Variants in MBNL2 observed in about 807,000 individuals in gnomAD.
The protein encoded by MBNL2 is muscleblind-like protein 2.
Under a neutral mutation model 41.9 loss-of-function variants are expected in MBNL2, and 17 were observed. That is an observed-to-expected ratio of 0.41 (90% CI 0.28 to 0.61). The LOEUF is 0.61. Ranked by LOEUF, MBNL2 falls within the 20% of genes least tolerant of loss-of-function variation. The pLI is 0.35. For missense variants in MBNL2, 336 were observed against 505.6 expected (o/e 0.66, Z 3.22); for synonymous variants, 195 against 182.9 (o/e 1.07, Z -0.53).
chr13:97,283,698 C>A (rs1032858410), intron 2 of MBNL2, among the ~76,000 whole-genome samples: 15 of 152,096 alleles, frequency 9.9e-5, no homozygotes, highest in African/African-American at 3.6e-4. Context: ...AAGTCTGAAA[C>A]ATTTAAGAAG....
chr13:97,330,441 CCCTT>C (rs1201481499), intron 2 of MBNL2, among the ~76,000 whole-genome samples: 1 of 152,210 alleles, frequency 6.6e-6, no homozygotes, highest in African/African-American at 2.4e-5. Flanking sequence ...GACCCTCCCT[CCCTT>C]ATCTCTCCAG....
At chr13:97,175,034 A>G in the MBNL2 span, among the ~76,000 whole-genome samples, 2 of 152,122 alleles carry the variant, frequency 1.3e-5, no homozygotes, top group Non-Finnish European at 2.9e-5. Flanking sequence ...TTAAGAAAAT[A>G]CCCTGCAGAG....
chr13:97,195,787 C>A, the MBNL2 span, among the ~76,000 whole-genome samples: 1 of 152,082 alleles, frequency 6.6e-6, no homozygotes, highest in Non-Finnish European at 1.5e-5. Flanking sequence ...TTTAATATTG[C>A]CAATTGACAT....
At chr13:97,318,535 G>T (rs922011309) in intron 2 of MBNL2, among the ~76,000 whole-genome samples, 1 of 152,158 alleles carries the variant, frequency 6.6e-6, no homozygotes, top group African/African-American at 2.4e-5. Context: ...AATGGTATTT[G>T]ACTGCATTCA....
chr13:97,204,090 G>C, the MBNL2 span, among the ~76,000 whole-genome samples: 2 of 152,182 alleles, frequency 1.3e-5, no homozygotes, highest in South Asian at 4.1e-4. Context: ...ATGACCTGGG[G>C]TCTGTCTGCT....
At chr13:97,312,117 T>C (rs913037940) in intron 2 of MBNL2, among the ~76,000 whole-genome samples, 2 of 152,164 alleles carry the variant, frequency 1.3e-5, no homozygotes, top group Non-Finnish European at 2.9e-5. Context: ...GCATAGACAA[T>C]AACTTGAAAA....
At chr13:97,283,029 T>C (rs1015110636) in intron 2 of MBNL2, among the ~76,000 whole-genome samples, 2 of 152,220 alleles carry the variant, frequency 1.3e-5, no homozygotes, top group Non-Finnish European at 2.9e-5. Flanking sequence ...CACCATTTCC[T>C]TTAACATCTC....
At chr13:97,370,549 A>G (rs1191367181) in intron 8 of MBNL2, among the ~76,000 whole-genome samples, 6 of 151,966 alleles carry the variant, frequency 3.9e-5, no homozygotes, top group Admixed American at 3.9e-4. Context: ...CATGCCTGTA[A>G]TCCCAGCTAC....
chr13:97,301,320 A>C (rs988816783), intron 2 of MBNL2, among the ~76,000 whole-genome samples: 1 of 152,166 alleles, frequency 6.6e-6, no homozygotes, highest in East Asian at 1.9e-4. Context: ...GAGAGAGAAA[A>C]TGAAGCAGAG....
In MBNL2 at chr13:97,376,089, G is replaced by A. The variant is rs74105117; in HGVS notation, c.1048+10918G>A. Among the ~76,000 whole-genome samples, 1,280 of 152,324 alleles carry A rather than the reference G, an allele frequency of 8.4e-3. 20 individuals are homozygous for A. Among genetic ancestry groups the A allele is most frequent in the African/African-American group, 0.03 (1,249 of 41,558 alleles). On this transcript the variant is annotated intron_variant, in intron 8 of 8. Transcript: ENST00000679496. ...GAATGGGTAGAGGTGTGCAGGGACA[G>A]CCAGCCCAAGTCAAGCTAACTGGTG...
At chr13:97,324,361 A>T (rs2059743626) in intron 2 of MBNL2, among the ~76,000 whole-genome samples, 2 of 152,190 alleles carry the variant, frequency 1.3e-5, no homozygotes, top group Admixed American at 1.3e-4. Flanking sequence ...GGTTTCCTGT[A>T]CGGTTGGGGT....
chr13:97,234,379 C>T (rs1179903848), intron 1 of MBNL2, among the ~76,000 whole-genome samples: 1 of 152,188 alleles, frequency 6.6e-6, no homozygotes, highest in African/African-American at 2.4e-5. Flanking sequence ...AGACACTGAG[C>T]TTCTCTGGCA....
the MBNL2 span, among the ~76,000 whole-genome samples, chr13:97,165,426 T>TA: frequency 6.6e-6 from 1 of 152,272 alleles, no homozygotes; most frequent in African/African-American, 2.4e-5. Context: ...TACTTTTTCT[T>TA]AAAAAATCAT....
chr13:97,341,613 T>C (rs1009542945), intron 3 of MBNL2, among the ~76,000 whole-genome samples: 3 of 152,152 alleles, frequency 2.0e-5, no homozygotes, highest in Non-Finnish European at 2.9e-5. Flanking sequence ...CATAGAGATC[T>C]AACAGCATCT....
At chr13:97,267,118 A>C (rs1481795842) in intron 1 of MBNL2, among the ~76,000 whole-genome samples, 1 of 152,160 alleles carries the variant, frequency 6.6e-6, no homozygotes, top group Non-Finnish European at 1.5e-5. Context: ...TCTAGAAAGC[A>C]ATGGCACGGA....
At chr13:97,203,540 G>T in the MBNL2 span, among the ~76,000 whole-genome samples, 2 of 152,074 alleles carry the variant, frequency 1.3e-5, no homozygotes, top group Admixed American at 6.6e-5. Flanking sequence ...TACCTCAAAA[G>T]CTGCGCTCAC....
At chr13:97,330,031 ATCTGTCT>A (rs1265691203) in intron 2 of MBNL2, among the ~76,000 whole-genome samples, 1 of 152,202 alleles carries the variant, frequency 6.6e-6, no homozygotes, top group Non-Finnish European at 1.5e-5. Flanking sequence ...TTTTGTTAAC[ATCTGTCT>A]TCCCCACAAG....
intron 1 of MBNL2, among the ~76,000 whole-genome samples, chr13:97,271,112 G>GTTTTT (rs369155404): frequency 3.0e-5 from 4 of 133,396 alleles, no homozygotes; most frequent in Non-Finnish European, 4.8e-5. Context: ...GCTCTTTTTT[G>GTTTTT]TTTTTTTTTT....
At chr13:97,240,890 TTGC>T (rs2044135531) in intron 1 of MBNL2, among the ~76,000 whole-genome samples, 1 of 152,110 alleles carries the variant, frequency 6.6e-6, no homozygotes, top group African/African-American at 2.4e-5. Context: ...ACAGATAAAA[TTGC>T]TTCTGTCCTC....
Sources: allele counts gnomAD v4.1 joint callset (sites outside exome capture counted in the v4.1 genomes callset), GRCh38; gene constraint gnomAD v4.1.1; transcripts MANE v1.5; gene names NCBI Gene and HGNC (gene_info 2026-07-23, HGNC 2026-07-21).